CACNG8: variants seen among roughly 807,000 people sequenced by gnomAD.
CACNG8 encodes the protein voltage-dependent calcium channel gamma-8 subunit.
Under a neutral mutation model 26.9 loss-of-function variants are expected in CACNG8, and 5 were observed. The observed-to-expected ratio is 0.19, with a 90% confidence interval of 0.10 to 0.39. The LOEUF (loss-of-function observed/expected upper bound fraction) is 0.39. Among genes scored for constraint, CACNG8 ranks in the 10% least tolerant of loss-of-function variants. The pLI, the probability that CACNG8 is intolerant of heterozygous loss-of-function variation, is 1.00. For missense variants in CACNG8, 473 were observed against 609.4 expected, an observed-to-expected ratio of 0.78 and a Z score of 2.36; for synonymous variants, 321 against 296.7, an observed-to-expected ratio of 1.08 and a Z score of -0.84.
intron 1 of CACNG8, among the ~76,000 whole-genome samples, chr19:53,976,339 A>G (rs748115386): frequency 6.6e-6 from 1 of 152,206 alleles, no homozygotes; most frequent in Non-Finnish European, 1.5e-5. Flanking sequence ...TGGGCAACAG[A>G]GGGAGACCCT....
intron 1 of CACNG8, among the ~76,000 whole-genome samples, chr19:53,963,804 CTTTTTTT>C (rs34483691): frequency 7.8e-6 from 1 of 128,174 alleles, no homozygotes; most frequent in South Asian, 2.6e-4. Context: ...TGCCTTTTCT[CTTTTTTT>C]TTTTTTTTTT....
chr19:53,987,599 G>C lies in CACNG8; in HGVS notation c.*4750G>C, dbSNP rs2069415335. 1 of 152,358 alleles carries C rather than the reference G, an allele frequency of 6.6e-6. No homozygotes were observed. 9.4% of individuals were successfully genotyped at this position (152,358 alleles called of 1,614,324 possible). On this transcript the variant is annotated 3_prime_UTR_variant, in exon 4 of 4. Coordinates refer to ENST00000270458, the MANE Select transcript of CACNG8 (RefSeq NM_031895.6). ...AACTGGATGTCATAGAGGAGGGAAG[G>C]AAAAGGAACCAGGAAGAGAAGAACT...
At position 53,983,067 on chromosome 19, in the gene CACNG8, C is replaced by G; in HGVS notation, c.*218C>G. 7.0e-6 allele frequency: 1 copy of G among 142,724 alleles called. No homozygotes were observed. Among genetic ancestry groups the G allele is most frequent in the Non-Finnish European group, 1.4e-5 (1 of 71,744 alleles). 8.8% of individuals were successfully genotyped at this position (142,724 alleles called of 1,614,324 possible). On this transcript the variant is annotated 3_prime_UTR_variant, in exon 4 of 4. Transcript: ENST00000270458. ...GGAGGGGGCCGCTGTGAGGGAGCGT[C>G]GTGTTTTATTTTTTTGGGGGATCTA...
chr19:53,964,907 C>A (rs932468825), intron 1 of CACNG8, among the ~76,000 whole-genome samples: 1 of 152,196 alleles, frequency 6.6e-6, no homozygotes, highest in Non-Finnish European at 1.5e-5. Context: ...ATGCCCCCTT[C>A]GGCCAAAAGA....
chr19:53,976,717 G>A (rs1157262409), intron 1 of CACNG8, among the ~76,000 whole-genome samples: 1 of 151,540 alleles, frequency 6.6e-6, no homozygotes, highest in Non-Finnish European at 1.5e-5. Flanking sequence ...TTGTCACCCA[G>A]GCTGGAGTGT....
At position 53,979,904 on chromosome 19, in the gene CACNG8, C is replaced by T; in HGVS notation, c.405C>T (p.Ser135=). 6.2e-7 allele frequency: 1 copy of T among 1,610,778 alleles called. No individual in the cohort carries two copies. Among genetic ancestry groups the T allele is most frequent in the Non-Finnish European group, 8.5e-7 (1 of 1,178,248 alleles). Residue 135 remains serine, a synonymous_variant, in exon 3 of 4, where the codon AGC becomes AGT. Transcript: ENST00000270458. ...CCTCCAGCATCTTCCCCATCCTTAG[C>T]GCCATCCTGCTGCTGCTCGGGGGTG...
chr19:53,987,551 G>A lies in CACNG8; in HGVS notation c.*4702G>A, dbSNP rs1311774310. On this transcript the variant is annotated 3_prime_UTR_variant, in exon 4 of 4. Coordinates refer to ENST00000270458, the MANE Select transcript of CACNG8 (RefSeq NM_031895.6). ...GTGGAAGAAGGCATGGGATTTTGGAGGCTAGAGCCTGCATTGGTGGTGAAC... is the reference window on the plus strand; with the variant it reads ...GTGGAAGAAGGCATGGGATTTTGGAAGCTAGAGCCTGCATTGGTGGTGAAC... The A allele has an allele frequency of 6.6e-6, 1 of 151,970 alleles. No homozygotes were observed. The highest frequency in any genetic ancestry group is 1.5e-5 in the Non-Finnish European group (1 of 67,962). The allele number at this position is 151,970 out of a possible 1,614,324, so 9.4% of individuals were successfully genotyped here. A position where few individuals can be genotyped will look rare whatever the true frequency, so the allele number is the denominator to read the frequency against.
chr19:53,965,399 C>G (rs917323076), intron 1 of CACNG8, among the ~76,000 whole-genome samples: 3 of 152,030 alleles, frequency 2.0e-5, no homozygotes, highest in African/African-American at 7.3e-5. Flanking sequence ...GTCTCGCCTC[C>G]CATTCCTCCC....
intron 3 of CACNG8, among the ~76,000 whole-genome samples, chr19:53,981,849 GC>G (rs1568802472): frequency 6.6e-6 from 1 of 152,186 alleles, no homozygotes; most frequent in Non-Finnish European, 1.5e-5. Flanking sequence ...CTGGGTTGGA[GC>G]TTAGACCAGC....
intron 1 of CACNG8, among the ~76,000 whole-genome samples, chr19:53,977,668 C>A (rs1568800584): frequency 6.6e-6 from 1 of 152,228 alleles, no homozygotes; most frequent in African/African-American, 2.4e-5. Context: ...CCAGACTTCA[C>A]GGGGTCTCAT....
At position 53,988,679 on chromosome 19, in the gene CACNG8, A is replaced by G. The variant is rs2069422099; in HGVS notation, c.*5830A>G. On this transcript the variant is annotated 3_prime_UTR_variant, in exon 4 of 4. Coordinates refer to ENST00000270458, the MANE Select transcript of CACNG8 (RefSeq NM_031895.6). Reference sequence around the variant, plus strand: ...ACATGCAGATAGGGAGATGGGAGGCAGAAAATTGCATCCTGCAATTAGCTG... The same window carrying G: ...ACATGCAGATAGGGAGATGGGAGGCGGAAAATTGCATCCTGCAATTAGCTG... The G allele has an allele frequency of 6.6e-6, 1 of 151,852 alleles. No individual in the cohort carries two copies. Among genetic ancestry groups the G allele is most frequent in the Admixed American group, 6.6e-5 (1 of 15,238 alleles). 9.4% of individuals were successfully genotyped at this position (151,852 alleles called of 1,614,324 possible).
chr19:53,972,362 T>TTTTC (rs71304163), intron 1 of CACNG8, among the ~76,000 whole-genome samples: 549 of 46,012 alleles, frequency 0.012, 2 homozygotes, highest in Middle Eastern at 0.018. Context: ...TCTTCTTTTC[T>TTTTC]TTTTTTTTTT....
At chr19:53,973,913 T>A (rs1361570741) in intron 1 of CACNG8, among the ~76,000 whole-genome samples, 1 of 152,252 alleles carries the variant, frequency 6.6e-6, no homozygotes, top group Non-Finnish European at 1.5e-5. Flanking sequence ...AGAGTTTGTA[T>A]GTGGGAGTTG....
intron 3 of CACNG8, among the ~76,000 whole-genome samples, chr19:53,980,447 G>T (rs1053254399): frequency 1.3e-5 from 2 of 152,052 alleles, no homozygotes; most frequent in Non-Finnish European, 2.9e-5. Context: ...CCGATGAGGA[G>T]CCTGCTTTAA....
intron 3 of CACNG8, among the ~76,000 whole-genome samples, chr19:53,980,369 T>C (rs1227138187): frequency 5.9e-5 from 9 of 151,794 alleles, no homozygotes; most frequent in Admixed American, 5.9e-4. Flanking sequence ...AATTGGGCTC[T>C]TGAGGATAGA....
At position 53,982,147 on chromosome 19, in the gene CACNG8, G is replaced by A. The variant is rs2069373424; in HGVS notation, c.576G>A (p.Arg192=). The A allele has an allele frequency of 6.8e-6, 11 of 1,612,130 alleles. No homozygotes were observed. Among genetic ancestry groups the A allele is most frequent in the Non-Finnish European group, 9.3e-6 (11 of 1,179,228 alleles). Residue 192 remains arginine (R), a synonymous_variant, in exon 4 of 4, where the codon CGG becomes CGA. Coordinates refer to ENST00000270458, the MANE Select transcript of CACNG8 (RefSeq NM_031895.6). This position sits in a 1 kb window ranked among gnomAD's most constrained non-coding sequence, Gnocchi z 8.4. ...ACGCGGGCGAGCCGGGCCCGAAGCG[G>A]GACGAGGAGAAGAAAAACCACTACT...
In CACNG8 at chr19:53,982,809, C is replaced by T; in HGVS notation, c.1238C>T (p.Ser413Phe). The stretch of plus-strand genomic sequence containing the variant: ...ACCCTGGCCAAGGAGGCCGCCGCCT[C>T]CAACACCAACACGCTCAACAGGAAA... Residue 413 changes from serine to phenylalanine, a missense_variant, in exon 4 of 4, where the codon TCC (serine) becomes TTC (phenylalanine). Physicochemically the swap from Ser to Phe is radical, Grantham distance 155 (BLOSUM62 -2). Around this residue, in one of 6 missense-constraint regions of CACNG8, gnomAD observed 212 missense variants for 214.4 expected, o/e 0.99. Coordinates refer to ENST00000270458, the MANE Select transcript of CACNG8 (RefSeq NM_031895.6). The surrounding 1 kb of genome is among the most constrained non-coding windows in gnomAD (Gnocchi z 8.4). 2 of 1,373,918 alleles carry T rather than the reference C, an allele frequency of 1.5e-6. No individual in the cohort carries two copies. The highest frequency in any genetic ancestry group is 2.9e-5 in the South Asian group (2 of 68,328). The allele number at this position is 1,373,918 out of a possible 1,614,324, so 85.1% of individuals were successfully genotyped here. A position where few individuals can be genotyped will look rare whatever the true frequency, so the allele number is the denominator to read the frequency against.
intron 1 of CACNG8, among the ~76,000 whole-genome samples, chr19:53,977,273 T>C (rs1159214080): frequency 6.6e-6 from 1 of 152,200 alleles, no homozygotes; most frequent in Non-Finnish European, 1.5e-5. Context: ...CAGCAAAGAA[T>C]GTGAGCTGGA....
chr19:53,976,000 G>A (rs764544355), intron 1 of CACNG8, among the ~76,000 whole-genome samples: 2 of 152,260 alleles, frequency 1.3e-5, no homozygotes, highest in African/African-American at 2.4e-5. Flanking sequence ...TTTTATAGGT[G>A]GGGAAACTGA....
Sources: gnomAD v4.1 joint callset for allele counts (sites outside exome capture counted in the v4.1 genomes callset) on GRCh38, gnomAD v4.1.1 for gene constraint, gnomAD v4.1.1 regional missense constraint, Gnocchi (gnomAD v3.1) non-coding constraint, MANE v1.5 for transcripts, NCBI Gene and HGNC (gene_info 2026-07-23, HGNC 2026-07-21) for gene names.